Variants in SRRM3 observed in about 807,000 individuals in gnomAD.
SRRM3 encodes the protein serine/arginine repetitive matrix protein 3.
Under a neutral mutation model 66.2 loss-of-function variants are expected in SRRM3, and 27 were observed. That is an observed-to-expected ratio of 0.41 (90% CI 0.30 to 0.56). The LOEUF (loss-of-function observed/expected upper bound fraction) is 0.56, where lower values mean the gene tolerates loss of function less well. SRRM3 is among the 20% of genes least tolerant of loss of function. The pLI is 0.32. For synonymous variants in SRRM3, 391 were observed against 414.9 expected, an observed-to-expected ratio of 0.94 and a Z score of 0.70; for missense variants, 918 against 991.9, an observed-to-expected ratio of 0.93 and a Z score of 1.00.
rs118110731 is a variant in SRRM3 at position 76,274,479 on chromosome 7, A to G, written c.1009-6962A>G. Among the ~76,000 whole-genome samples the G allele has an allele frequency of 0.011, 1,647 of 152,342 alleles. 24 individuals are homozygous for G. The Middle Eastern group carries it at 0.15, about 14-fold the overall frequency. ...TACTTAGCAAAGTCTCTGTGAGACA[A>G]TTTACAGGTAATTTACCTGCCCGCT... is the stretch of plus-strand genomic sequence containing the variant. On this transcript the variant is annotated intron_variant, in intron 11 of 14. Transcript: ENST00000611745.
At chr7:76,226,600 T>A (rs113636382) in intron 1 of SRRM3, among the ~76,000 whole-genome samples, 23,669 of 140,572 alleles carry the variant, frequency 0.17, 2,199 homozygotes, top group East Asian at 0.38. Flanking sequence ...TTATTTATTT[T>A]ATTTTTTGAG....
chr7:76,240,080 C>T (rs4727116), intron 2 of SRRM3, among the ~76,000 whole-genome samples: 40,843 of 151,462 alleles, frequency 0.27, 5,857 homozygotes, highest in East Asian at 0.45. Flanking sequence ...GCAGGAGAAT[C>T]GCTTGAACCC....
intron 8 of SRRM3, 86 bp downstream of exon 8, chr7:76,261,667 G>A: frequency 3.5e-6 from 5 of 1,408,978 alleles, no homozygotes; most frequent in Non-Finnish European, 4.9e-6. Flanking sequence ...GGGTTTTGAG[G>A]GTCCCACAGG....
chr7:76,260,944 G>A (rs1459093948), intron 6 of SRRM3, 41 bp downstream of exon 6: 5 of 1,547,774 alleles, frequency 3.2e-6, no homozygotes, highest in Non-Finnish European at 4.4e-6. Flanking sequence ...GGCGGGGGAT[G>A]TCTGTGGGTG....
intron 1 of SRRM3, among the ~76,000 whole-genome samples, chr7:76,204,885 C>T (rs1554600980): frequency 6.6e-6 from 1 of 152,106 alleles, no homozygotes; most frequent in African/African-American, 2.4e-5. Context: ...CCAGCCTGGG[C>T]AACATAGTGA....
At chr7:76,281,829 C>T in intron 12 of SRRM3, 27 bp downstream of exon 12, 1 of 1,300,226 alleles carries the variant, frequency 7.7e-7, no homozygotes, top group Non-Finnish European at 9.8e-7. Flanking sequence ...CGGAGCTGGA[C>T]TCCCGCCCCC....
intron 11 of SRRM3, among the ~76,000 whole-genome samples, chr7:76,270,163 G>C (rs942495382): frequency 2.0e-5 from 3 of 152,198 alleles, no homozygotes; most frequent in South Asian, 2.1e-4. Context: ...GGGAGGGGAA[G>C]AGACTTGTCC....
intron 3 of SRRM3, among the ~76,000 whole-genome samples, chr7:76,254,010 CTTTA>C (rs377590863): frequency 2.0e-5 from 3 of 151,704 alleles, no homozygotes; most frequent in Non-Finnish European, 4.4e-5. Context: ...CTGTGCTCAT[CTTTA>C]TTTATTTATT....
intron 2 of SRRM3, among the ~76,000 whole-genome samples, chr7:76,245,857 A>G (rs1801428269): frequency 6.6e-6 from 1 of 151,990 alleles, no homozygotes; most frequent in Non-Finnish European, 1.5e-5. Flanking sequence ...CACCACACTC[A>G]GCTAATTTTT....
At chr7:76,248,321 A>G (rs1016730723) in intron 3 of SRRM3, 32 bp downstream of exon 3, 1 of 1,552,936 alleles carries the variant, frequency 6.4e-7, no homozygotes, top group Admixed American at 1.7e-5. Flanking sequence ...GATGAGGGAG[A>G]GGGGGTGCAG....
rs1802560982 is a variant in SRRM3 at position 76,282,800 on chromosome 7, C to G, written c.1523C>G (p.Ser508Cys). The change falls in exon 13 of 15, where the codon TCT becomes TGT. Residue 508 changes from serine (S) to cysteine (C), a missense_variant. Physicochemically the swap from Ser to Cys is moderately radical, Grantham distance 112. Coordinates refer to ENST00000611745, the MANE Select transcript of SRRM3 (RefSeq NM_001110199.3). ...SWSSSRSPSK[S>C]RSRSAEKRPH... ...AGCTCCAGCCGCTCGCCCTCCAAAT[C>G]TCGCTCGCGCTCTGCGGAGAAGCGG... The G allele has an allele frequency of 1.4e-6, 2 of 1,465,878 alleles. No individual in the cohort carries two copies. Among genetic ancestry groups the G allele is most frequent in the East Asian group, 6.1e-5 (2 of 32,716 alleles). The allele number at this position is 1,465,878 out of a possible 1,614,324, so 90.8% of individuals were successfully genotyped here.
chr7:76,218,522 C>T lies in SRRM3; in HGVS notation c.-40+16455C>T, dbSNP rs537010441. Among the ~76,000 whole-genome samples the T allele has an allele frequency of 3.3e-5, 5 of 152,192 alleles. No individual in the cohort carries two copies. The South Asian group carries it at 1.0e-3, about 32-fold the overall frequency. On this transcript the variant is annotated intron_variant, in intron 1 of 14. Coordinates refer to ENST00000611745, the MANE Select transcript of SRRM3 (RefSeq NM_001110199.3). ...CCCACAAGGCCACTGAGGGCCCTGA[C>T]AGAGAGCAGGAAGACTGAGTAAGGC...
intron 1 of SRRM3, among the ~76,000 whole-genome samples, chr7:76,228,878 G>A (rs76327884): frequency 0.063 from 9,480 of 150,166 alleles, 687 homozygotes; most frequent in African/African-American, 0.17. Flanking sequence ...CCTGGGGGAC[G>A]TGAGCAATTT....
At chr7:76,278,707 C>T (rs1802424072) in intron 11 of SRRM3, among the ~76,000 whole-genome samples, 1 of 152,144 alleles carries the variant, frequency 6.6e-6, no homozygotes, top group South Asian at 2.1e-4. Flanking sequence ...TGGCTTTGGG[C>T]AGCTATGGCT....
At chr7:76,261,448 T>G (rs1801866390) in intron 7 of SRRM3, 34 bp downstream of exon 7, 18 of 1,591,842 alleles carry the variant, frequency 1.1e-5, no homozygotes, top group Non-Finnish European at 1.5e-5. Context: ...GGGCCTCCTC[T>G]TCCTCCCGTG....
At chr7:76,258,443 G>GGT (rs1801767466) in intron 3 of SRRM3, among the ~76,000 whole-genome samples, 1 of 152,186 alleles carries the variant, frequency 6.6e-6, no homozygotes, top group Non-Finnish European at 1.5e-5. Context: ...TGCCGGGCGC[G>GGT]GTGGCTCACG....
chr7:76,271,251 T>C (rs1292644778), intron 11 of SRRM3, among the ~76,000 whole-genome samples: 1 of 152,084 alleles, frequency 6.6e-6, no homozygotes, highest in Non-Finnish European at 1.5e-5. Flanking sequence ...GGAGGATCAC[T>C]TGAGGCCTGC....
At chr7:76,206,208 A>C (rs1466329615) in intron 1 of SRRM3, among the ~76,000 whole-genome samples, 1 of 152,144 alleles carries the variant, frequency 6.6e-6, no homozygotes. Flanking sequence ...GGGTCTCACT[A>C]TGTTGCTTCA....
chr7:76,281,070 T>C (rs1191473264), intron 11 of SRRM3, among the ~76,000 whole-genome samples: 2 of 146,538 alleles, frequency 1.4e-5, no homozygotes, highest in East Asian at 2.0e-4. Context: ...GCCCTCTCTC[T>C]TTCTCATCTC....
Sources: allele counts gnomAD v4.1 joint callset (sites outside exome capture counted in the v4.1 genomes callset), GRCh38; gene constraint gnomAD v4.1.1; transcripts MANE v1.5; gene names NCBI Gene and HGNC (gene_info 2026-07-23, HGNC 2026-07-21).